Variants in USF3 observed in about 807,000 individuals in gnomAD.
USF3 encodes the protein basic helix-loop-helix domain-containing protein USF3.
A neutral mutation model predicts 157.5 loss-of-function variants in USF3; 29 were observed. The ratio of observed to expected loss-of-function variants is 0.18; its 90% confidence interval spans 0.14 to 0.25. USF3 has a LOEUF of 0.25. USF3 is among the 10% of genes least tolerant of loss of function. USF3 has a pLI of 1.00. For missense variants in USF3, 2,381 were observed against 2,667.6 expected, an observed-to-expected ratio of 0.89 and a Z score of 2.37; for synonymous variants, 893 against 941.4, an observed-to-expected ratio of 0.95 and a Z score of 0.94.
At chr3:113,681,153 GT>G (rs1707414007) in intron 1 of USF3, among the ~76,000 whole-genome samples, 1 of 151,386 alleles carries the variant, frequency 6.6e-6, no homozygotes, top group African/African-American at 2.4e-5. Context: ...AATTTTTGTA[GT>G]TTTTAGTAGA....
chr3:113,678,542 T>G (rs896305128), intron 1 of USF3, among the ~76,000 whole-genome samples: 27 of 152,250 alleles, frequency 1.8e-4, no homozygotes, highest in African/African-American at 5.8e-4. Context: ...TAAAATTATT[T>G]ATAGGTACAA....
chr3:113,688,561 G>A (rs1466268997), intron 1 of USF3, among the ~76,000 whole-genome samples: 2 of 152,228 alleles, frequency 1.3e-5, no homozygotes, highest in Non-Finnish European at 2.9e-5. Context: ...AGGATGTAGT[G>A]TTCTTGAGGG....
intron 1 of USF3, among the ~76,000 whole-genome samples, chr3:113,678,622 A>G (rs993052321): frequency 3.9e-5 from 6 of 152,242 alleles, no homozygotes; most frequent in African/African-American, 1.2e-4. Flanking sequence ...GAACTATACA[A>G]TATTTTCATA....
chr3:113,674,987 A>G (rs910228807), intron 2 of USF3, 91 bp from the exon 3 acceptor site: 1 of 771,750 alleles, frequency 1.3e-6, no homozygotes, highest in Non-Finnish European at 2.3e-6. Flanking sequence ...GAATATTAAA[A>G]TGCTAAAAAA....
chr3:113,666,312 C>T (rs1486611842), intron 5 of USF3, among the ~76,000 whole-genome samples: 13 of 125,272 alleles, frequency 1.0e-4, no homozygotes, highest in Admixed American at 5.8e-4. Context: ...AGTGCAGTGG[C>T]GCAATCTCGG....
chr3:113,687,229 T>TCACA lies in USF3; in HGVS notation c.-135+9137_-135+9140dup, dbSNP rs67480409. On this transcript the variant is annotated intron_variant, in intron 1 of 6. Coordinates refer to ENST00000316407, the MANE Select transcript of USF3 (RefSeq NM_001009899.4). ...GCTGTTGTGCCCTTTACACACACAG[T>TCACA]CACACACACACACACACACACACAC... 5.5e-3 allele frequency among the ~76,000 whole-genome samples: 568 copies of TCACA among 102,528 alleles called. 2 individuals are homozygous for TCACA. Among genetic ancestry groups the TCACA allele is most frequent in the South Asian group, 9.0e-3 (35 of 3,896 alleles). The allele number at this position is 102,528 out of a possible 152,430, so 67.3% of individuals were successfully genotyped here.
chr3:113,671,688 T>C (rs551565437), intron 4 of USF3, among the ~76,000 whole-genome samples: 6 of 152,172 alleles, frequency 3.9e-5, no homozygotes, highest in African/African-American at 1.4e-4. Context: ...TTGCAAAATA[T>C]ATATATTTTT....
At chr3:113,683,460 CCT>C (rs1290333367) in intron 1 of USF3, among the ~76,000 whole-genome samples, 82 of 144,142 alleles carry the variant, frequency 5.7e-4, no homozygotes, top group South Asian at 1.7e-3. Context: ...CATTTTATCC[CCT>C]GCTTTTTTTT....
intron 1 of USF3, among the ~76,000 whole-genome samples, chr3:113,683,154 AAAT>A (rs1707472907): frequency 6.6e-6 from 1 of 151,982 alleles, no homozygotes; most frequent in African/African-American, 2.4e-5. Flanking sequence ...TGAGGCTTGC[AAAT>A]AACACCTTAT....
In USF3 at chr3:113,655,786, C is replaced by A. The variant is rs2290477; in HGVS notation, c.5896G>T (p.Ala1966Ser). The change falls in exon 7 of 7, where the codon GCT (alanine) becomes TCT (serine). Residue 1966 changes from alanine (A) to serine (S), a missense_variant. Physicochemically the swap from Ala to Ser is moderately conservative, Grantham distance 99 (BLOSUM62 1). Around this residue, in one of 6 missense-constraint regions of USF3, gnomAD observed 770 missense variants for 824.2 expected, o/e 0.93. Transcript: ENST00000316407. The stretch of plus-strand genomic sequence containing the variant: ...ACTGAAGAATTAGCTTGACGTACAG[C>A]AGGGCCTTGATCGCCATTTCCATGA... Reference protein sequence around the residue: ...VSHGNGDQGPAVRQANSSVPQ... With the variant: ...VSHGNGDQGPSVRQANSSVPQ... 36,764 of 1,614,054 alleles carry A rather than the reference C, an allele frequency of 0.023. 1,041 individuals are homozygous for A. Among genetic ancestry groups the A allele is most frequent in the East Asian group, 0.094 (4,236 of 44,870 alleles).
At chr3:113,679,011 C>G (rs984878853) in intron 1 of USF3, among the ~76,000 whole-genome samples, 1 of 139,142 alleles carries the variant, frequency 7.2e-6, no homozygotes, top group Non-Finnish European at 1.6e-5. Context: ...AGGCTGGTGT[C>G]TCTCTCTCTC....
At chr3:113,662,922 A>G (rs1947509177) in intron 6 of USF3, among the ~76,000 whole-genome samples, 1 of 151,788 alleles carries the variant, frequency 6.6e-6, no homozygotes, top group African/African-American at 2.4e-5. Context: ...TACTATGATT[A>G]TCCTCATTTT....
rs778793889 is a variant in USF3 at position 113,659,314 on chromosome 3, T to C, written c.2368A>G (p.Met790Val). 19 of 1,614,104 alleles carry C rather than the reference T, an allele frequency of 1.2e-5. No homozygotes were observed. Among genetic ancestry groups the C allele is most frequent in the Middle Eastern group, 3.3e-4 (2 of 6,084 alleles). ...SMNTVACLPN[M>V]KSKRLNKKPG... is the part of the protein sequence containing the mutation. ...TTCTTATTCAACCTTTTAGATTTCATGTTAGGCAAACAAGCAACAGTGTTC... is the reference window on the plus strand; with the variant it reads ...TTCTTATTCAACCTTTTAGATTTCACGTTAGGCAAACAAGCAACAGTGTTC... Residue 790 changes from methionine (M) to valine (V), a missense_variant, in exon 7 of 7, where the codon ATG becomes GTG. By Grantham distance (21) the Met-to-Val change is conservative. Around this residue, in one of 6 missense-constraint regions of USF3, gnomAD observed 1,435 missense variants for 1,550.9 expected, o/e 0.93. Coordinates refer to ENST00000316407, the MANE Select transcript of USF3 (RefSeq NM_001009899.4).
intron 1 of USF3, among the ~76,000 whole-genome samples, chr3:113,679,275 T>A (rs1238999095): frequency 6.6e-6 from 1 of 152,150 alleles, no homozygotes; most frequent in Non-Finnish European, 1.5e-5. Context: ...TTTTCAAAAC[T>A]TTTTTCCTTG....
intron 1 of USF3, among the ~76,000 whole-genome samples, chr3:113,689,244 G>A (rs1003568448): frequency 2.6e-5 from 4 of 152,128 alleles, no homozygotes; most frequent in Non-Finnish European, 4.4e-5. Context: ...TTAAAACTGG[G>A]AGAGTTTCAC....
intron 1 of USF3, among the ~76,000 whole-genome samples, chr3:113,687,264 CA>C (rs746113636): frequency 4.0e-5 from 6 of 149,080 alleles, no homozygotes; most frequent in African/African-American, 1.0e-4. Context: ...CACACACACA[CA>C]CCCCCTTTCT....
chr3:113,655,156 G>A lies in USF3; in HGVS notation c.6526C>T (p.Pro2176Ser). The A allele has an allele frequency of 6.2e-7, 1 of 1,614,188 alleles. No individual in the cohort carries two copies. The highest frequency in any genetic ancestry group is 8.5e-7 in the Non-Finnish European group (1 of 1,180,028). Residue 2176 changes from proline (P) to serine (S), a missense_variant, in exon 7 of 7, where the codon CCA becomes TCA. Physicochemically the swap from Pro to Ser is moderately conservative, Grantham distance 74 (BLOSUM62 -1). Transcript: ENST00000316407. ...QPSFPLLPDM[P>S]PMHMTNSHLS... is the part of the protein sequence containing the mutation. ...TGAGAGTTGGTCATGTGCATTGGTG[G>A]CATATCTGGGAGAAGAGGAAAACTT...
chr3:113,655,884 C>T lies in USF3; in HGVS notation c.5798G>A (p.Gly1933Asp). The T allele has an allele frequency of 6.2e-7, 1 of 1,614,110 alleles. No homozygotes were observed. The highest frequency in any genetic ancestry group is 8.5e-7 in the Non-Finnish European group (1 of 1,180,016). Reference protein sequence around the residue: ...MRITESHATKGHMNPPVTTNM... With the variant: ...MRITESHATKDHMNPPVTTNM... ...GGTTGTGACTGGAGGGTTCATGTGGCCCTTGGTGGCATGACTCTCAGTAAT... is the reference window on the plus strand; with the variant it reads ...GGTTGTGACTGGAGGGTTCATGTGGTCCTTGGTGGCATGACTCTCAGTAAT... The change falls in exon 7 of 7, where the codon GGC (glycine) becomes GAC (aspartate). Residue 1933 changes from glycine to aspartate, a missense_variant. Around this residue, in one of 6 missense-constraint regions of USF3, gnomAD observed 770 missense variants for 824.2 expected, o/e 0.93. Transcript: ENST00000316407.
At chr3:113,675,499 T>C (rs1707261566) in intron 2 of USF3, among the ~76,000 whole-genome samples, 1 of 152,198 alleles carries the variant, frequency 6.6e-6, no homozygotes, top group South Asian at 2.1e-4. Context: ...ATCAGGCTAC[T>C]AAATAATACA....
Sources: gnomAD v4.1 joint callset for allele counts (sites outside exome capture counted in the v4.1 genomes callset) on GRCh38, gnomAD v4.1.1 for gene constraint, gnomAD v4.1.1 regional missense constraint, MANE v1.5 for transcripts, NCBI Gene and HGNC (gene_info 2026-07-23, HGNC 2026-07-21) for gene names.